SEMA3E: variants seen among roughly 807,000 people sequenced by gnomAD.
The protein encoded by SEMA3E is semaphorin 3E, also known as semaphorin-3E.
SEMA3E carries 49 observed loss-of-function variants against 93.6 expected under a neutral mutation model. That is an observed-to-expected ratio of 0.52 (90% CI 0.42 to 0.66). The LOEUF (loss-of-function observed/expected upper bound fraction) is 0.66, where lower values mean the gene tolerates loss of function less well. SEMA3E is among the 30% of genes least tolerant of loss of function. The probability of loss-of-function intolerance (pLI) is 0.00; values close to 1 mark genes in which losing one functional copy is unlikely to be tolerated. For missense variants in SEMA3E, 906 were observed against 964.8 expected, an observed-to-expected ratio of 0.94 and a Z score of 0.81; for synonymous variants, 363 against 330.7, an observed-to-expected ratio of 1.10 and a Z score of -1.06.
intron 1 of SEMA3E, among the ~76,000 whole-genome samples, chr7:83,575,666 G>A (rs558428726): frequency 1.3e-4 from 20 of 152,202 alleles, no homozygotes; most frequent in East Asian, 5.8e-4. Context: ...TCATTAAATC[G>A]TATTGTAAGC....
intron 5 of SEMA3E, among the ~76,000 whole-genome samples, chr7:83,412,665 G>A (rs1381189210): frequency 1.3e-5 from 2 of 151,802 alleles, no homozygotes; most frequent in African/African-American, 4.8e-5. Context: ...AGGAGGCTGA[G>A]GTGGGAGAAT....
At chr7:83,508,999 G>T (rs949917732) in intron 1 of SEMA3E, among the ~76,000 whole-genome samples, 7 of 152,238 alleles carry the variant, frequency 4.6e-5, no homozygotes, top group Non-Finnish European at 7.4e-5. Context: ...TGCACACCTG[G>T]TGTAATTTGA....
chr7:83,506,105 CA>C (rs920602027), intron 1 of SEMA3E, among the ~76,000 whole-genome samples: 1 of 147,818 alleles, frequency 6.8e-6, no homozygotes, highest in African/African-American at 2.5e-5. Flanking sequence ...GCCTTGGGTA[CA>C]AAAAAAGTAA....
At chr7:83,453,539 A>G (rs188194476) in intron 4 of SEMA3E, among the ~76,000 whole-genome samples, 1 of 152,192 alleles carries the variant, frequency 6.6e-6, no homozygotes, top group African/African-American at 2.4e-5. Flanking sequence ...TACAGTAATT[A>G]GTCTGCAGAA....
intron 16 of SEMA3E, among the ~76,000 whole-genome samples, chr7:83,379,313 A>G (rs1184302196): frequency 6.6e-6 from 1 of 151,600 alleles, no homozygotes; most frequent in African/African-American, 2.4e-5. Flanking sequence ...TATTTGGGTG[A>G]TGGGTACACT....
intron 1 of SEMA3E, among the ~76,000 whole-genome samples, chr7:83,555,095 A>G (rs1791860014): frequency 6.6e-6 from 1 of 152,184 alleles, no homozygotes; most frequent in Admixed American, 6.5e-5. Context: ...ATTATAGAGA[A>G]TAGGTGCAGT....
At chr7:83,509,642 G>C (rs549805479) in intron 1 of SEMA3E, among the ~76,000 whole-genome samples, 121 of 152,208 alleles carry the variant, frequency 7.9e-4, no homozygotes, top group Non-Finnish European at 1.6e-3. Flanking sequence ...CTCTGCTTCC[G>C]TATCTTCTAG....
chr7:83,412,901 G>A (rs1007450970), intron 5 of SEMA3E, among the ~76,000 whole-genome samples: 1 of 151,900 alleles, frequency 6.6e-6, no homozygotes, highest in Non-Finnish European at 1.5e-5. Context: ...AGGGCCTTAC[G>A]TTATTAATTT....
intron 1 of SEMA3E, among the ~76,000 whole-genome samples, chr7:83,495,928 A>T (rs1238919726): frequency 6.6e-6 from 1 of 151,886 alleles, no homozygotes; most frequent in Non-Finnish European, 1.5e-5. Context: ...GATGTACGAG[A>T]CGTCTCATTT....
intron 1 of SEMA3E, among the ~76,000 whole-genome samples, chr7:83,606,775 A>T (rs12670343): frequency 0.069 from 7,279 of 104,954 alleles, 483 homozygotes; most frequent in African/African-American, 0.2. Flanking sequence ...AAAAAAAAAA[A>T]TTAAAAAAAA....
At chr7:83,490,965 A>G (rs1293525859) in intron 1 of SEMA3E, among the ~76,000 whole-genome samples, 1 of 152,080 alleles carries the variant, frequency 6.6e-6, no homozygotes, top group Admixed American at 6.6e-5. Context: ...ATGGCAGTTT[A>G]GTACTTAAGG....
chr7:83,593,559 G>C (rs1198818409), intron 1 of SEMA3E, among the ~76,000 whole-genome samples: 1 of 151,956 alleles, frequency 6.6e-6, no homozygotes, highest in Non-Finnish European at 1.5e-5. Context: ...CAGTGAGAAA[G>C]AATAAGAGAT....
At chr7:83,372,464 A>G (rs1326147837) in intron 16 of SEMA3E, among the ~76,000 whole-genome samples, 1 of 152,192 alleles carries the variant, frequency 6.6e-6, no homozygotes, top group Non-Finnish European at 1.5e-5. Flanking sequence ...AGCAAAACTA[A>G]AAATAAATAC....
chr7:83,569,142 CA>C (rs200678421), intron 1 of SEMA3E, among the ~76,000 whole-genome samples: 5,623 of 142,344 alleles, frequency 0.04, 136 homozygotes, highest in Non-Finnish European at 0.063. Flanking sequence ...GCAATAGCTA[CA>C]AAAAAAAAAA....
At chr7:83,552,888 T>G (rs1408213906) in intron 1 of SEMA3E, among the ~76,000 whole-genome samples, 2 of 152,282 alleles carry the variant, frequency 1.3e-5, no homozygotes, top group East Asian at 3.9e-4. Flanking sequence ...TAGTTCTGCT[T>G]TTGCCCTTTG....
At chr7:83,573,810 ATACTC>A (rs1792341006) in intron 1 of SEMA3E, among the ~76,000 whole-genome samples, 1 of 151,924 alleles carries the variant, frequency 6.6e-6, no homozygotes, top group African/African-American at 2.4e-5. Flanking sequence ...ATCAGATACT[ATACTC>A]TTCTTGGATA....
At chr7:83,626,595 C>T (rs1397179151) in intron 1 of SEMA3E, among the ~76,000 whole-genome samples, 2 of 152,072 alleles carry the variant, frequency 1.3e-5, no homozygotes, top group Non-Finnish European at 2.9e-5. Context: ...ATTCTTCTCT[C>T]TTTTCTTCTT....
rs77734638 is a variant in SEMA3E, at chr7:83,505,232, A to C, written c.116-14958T>G. On this transcript the variant is annotated intron_variant, in intron 1 of 16. Transcript: ENST00000643230. ...TTCATAAAACCTGATTTTCAGCCTC[A>C]ATCATCCAAAATTCTATCTCATTGC... Among the ~76,000 whole-genome samples the C allele has an allele frequency of 1.0e-3, 157 of 152,296 alleles. 3 individuals carry two copies. The East Asian group carries it at 0.026, about 25-fold the overall frequency.
At chr7:83,524,840 G>A (rs1248696670) in intron 1 of SEMA3E, among the ~76,000 whole-genome samples, 2 of 151,834 alleles carry the variant, frequency 1.3e-5, no homozygotes, top group Admixed American at 1.3e-4. Context: ...TCACCTTAAA[G>A]AAATCTCTCC....
Sources: allele counts gnomAD v4.1 joint callset (sites outside exome capture counted in the v4.1 genomes callset), GRCh38; gene constraint gnomAD v4.1.1; transcripts MANE v1.5; gene names NCBI Gene and HGNC (gene_info 2026-07-23, HGNC 2026-07-21).